PRKG1: variants seen among roughly 807,000 people sequenced by gnomAD.
PRKG1 encodes the protein protein kinase cGMP-dependent 1.
A neutral mutation model predicts 88.1 loss-of-function variants in PRKG1; 35 were observed. The ratio of observed to expected loss-of-function variants is 0.40; its 90% confidence interval spans 0.30 to 0.53. The LOEUF (loss-of-function observed/expected upper bound fraction) is 0.53, where lower values mean the gene tolerates loss of function less well. Among genes scored for constraint, PRKG1 ranks in the 20% least tolerant of loss-of-function variants. The pLI is 0.59. For synonymous variants in PRKG1, 303 were observed against 292.5 expected, an observed-to-expected ratio of 1.04 and a Z score of -0.37; for missense variants, 540 against 839.8, an observed-to-expected ratio of 0.64 and a Z score of 4.41.
intron 5 of PRKG1, among the ~76,000 whole-genome samples, chr10:52,019,948 A>G (rs566619964): frequency 3.3e-5 from 5 of 152,194 alleles, no homozygotes; most frequent in Non-Finnish European, 7.3e-5. Flanking sequence ...GTCTCTGAGG[A>G]CAAAGGCAAA....
chr10:51,501,790 C>A (rs202005640), intron 3 of PRKG1, among the ~76,000 whole-genome samples: 1 of 113,770 alleles, frequency 8.8e-6, no homozygotes, highest in Admixed American at 9.7e-5. Flanking sequence ...ACTTTAGTTT[C>A]TTTTTTTTTT....
chr10:51,151,082 T>C (rs1024810690), intron 1 of PRKG1, among the ~76,000 whole-genome samples: 1 of 151,602 alleles, frequency 6.6e-6, no homozygotes, highest in Non-Finnish European at 1.5e-5. Context: ...TTGATTAGTT[T>C]TTATTGTACA....
At chr10:51,678,923 C>A (rs765683816) in intron 3 of PRKG1, among the ~76,000 whole-genome samples, 1 of 152,164 alleles carries the variant, frequency 6.6e-6, no homozygotes, top group Non-Finnish European at 1.5e-5. Context: ...GGGACTACTG[C>A]AGTGCATTAT....
chr10:51,728,969 C>A (rs1842206371), intron 3 of PRKG1, among the ~76,000 whole-genome samples: 1 of 152,130 alleles, frequency 6.6e-6, no homozygotes, highest in Non-Finnish European at 1.5e-5. Context: ...TTATTTCTTT[C>A]TGAAACTAAG....
At chr10:51,025,655 A>G (rs1338258339) in intron 1 of PRKG1, among the ~76,000 whole-genome samples, 1 of 152,132 alleles carries the variant, frequency 6.6e-6, no homozygotes, top group Non-Finnish European at 1.5e-5. Context: ...TATTGTCAGT[A>G]GAAGAACAAG....
chr10:51,610,223 G>A (rs1838872110), intron 3 of PRKG1, among the ~76,000 whole-genome samples: 1 of 152,014 alleles, frequency 6.6e-6, no homozygotes, highest in East Asian at 1.9e-4. Flanking sequence ...TCAAAGAAGA[G>A]CTTATTCCTT....
chr10:52,067,922 A>G (rs1009376390), intron 7 of PRKG1, among the ~76,000 whole-genome samples: 2 of 145,786 alleles, frequency 1.4e-5, no homozygotes, highest in African/African-American at 4.9e-5. Flanking sequence ...TCCCTACTTG[A>G]GGCCGGGCGC....
chr10:51,363,525 T>C (rs553792810), intron 2 of PRKG1, among the ~76,000 whole-genome samples: 3 of 152,002 alleles, frequency 2.0e-5, no homozygotes, highest in Non-Finnish European at 2.9e-5. Flanking sequence ...TAAAATTAAA[T>C]AGAGGTGTCA....
At chr10:51,168,578 G>T (rs774368667) in intron 2 of PRKG1, among the ~76,000 whole-genome samples, 2 of 152,128 alleles carry the variant, frequency 1.3e-5, no homozygotes, top group Non-Finnish European at 1.5e-5. Context: ...GCATAAGGAA[G>T]TCTGGAGACT....
intron 3 of PRKG1, among the ~76,000 whole-genome samples, chr10:51,523,979 C>A (rs1564534254): frequency 6.6e-6 from 1 of 152,082 alleles, no homozygotes; most frequent in East Asian, 1.9e-4. Context: ...GGGGTGCATC[C>A]TTTATGAATG....
Position 52,054,499 on chromosome 10 carries a change from G to A in PRKG1, c.778G>A (p.Gly260Arg), listed in dbSNP as rs368465530. 1 of 1,613,248 alleles carries A rather than the reference G, an allele frequency of 6.2e-7. No individual in the cohort carries two copies. The highest frequency in any genetic ancestry group is 1.3e-5 in the African/African-American group (1 of 74,846). ...TACTTTTCAGACCCACTATGAAAAT[G>A]GAGAATATATTATCAGGCAAGGTGC... ...DVLEETHYEN[G>R]EYIIRQGARG... Residue 260 changes from glycine to arginine, a missense_variant, in exon 6 of 18, where the codon GGA becomes AGA. Gly to Arg is a moderately radical substitution (Grantham distance 125). Transcript: ENST00000373980.
At chr10:52,114,557 A>T (rs1554805854) in intron 7 of PRKG1, among the ~76,000 whole-genome samples, 1 of 149,972 alleles carries the variant, frequency 6.7e-6, no homozygotes, top group Non-Finnish European at 1.5e-5. Context: ...TAATATGCTG[A>T]ATATATATAT....
intron 9 of PRKG1, among the ~76,000 whole-genome samples, chr10:52,217,075 CTG>C (rs1206818089): frequency 1.3e-5 from 2 of 152,114 alleles, no homozygotes; most frequent in East Asian, 3.9e-4. Context: ...CTGTTCAGAG[CTG>C]TGTTTCTCAA....
At chr10:51,088,290 C>T (rs1589143456) in intron 1 of PRKG1, among the ~76,000 whole-genome samples, 1 of 151,796 alleles carries the variant, frequency 6.6e-6, no homozygotes, top group East Asian at 1.9e-4. Context: ...CCTCTTTTCC[C>T]TTAAATATTA....
intron 2 of PRKG1, among the ~76,000 whole-genome samples, chr10:51,451,326 G>A (rs576572496): frequency 6.6e-6 from 1 of 151,300 alleles, no homozygotes; most frequent in African/African-American, 2.4e-5. Context: ...TTAAACTAAC[G>A]TGATTTGTTA....
chr10:51,887,799 T>C (rs77322899), intron 4 of PRKG1, among the ~76,000 whole-genome samples: 1 of 152,222 alleles, frequency 6.6e-6, no homozygotes, highest in Non-Finnish European at 1.5e-5. Context: ...GTTTTTGTTT[T>C]GCTATTGAGT....
intron 2 of PRKG1, among the ~76,000 whole-genome samples, chr10:51,184,530 T>C (rs1837432204): frequency 6.6e-6 from 1 of 152,198 alleles, no homozygotes; most frequent in Non-Finnish European, 1.5e-5. Context: ...AAAATGAACA[T>C]GTAGGAAGTT....
chr10:51,421,684 C>T (rs1179250606), intron 2 of PRKG1, among the ~76,000 whole-genome samples: 3 of 152,218 alleles, frequency 2.0e-5, no homozygotes, highest in African/African-American at 7.2e-5. Flanking sequence ...AGCATCATGT[C>T]ATAATGTCTC....
intron 3 of PRKG1, among the ~76,000 whole-genome samples, chr10:51,541,820 C>T (rs143349659): frequency 7.7e-4 from 117 of 152,130 alleles, no homozygotes; most frequent in African/African-American, 2.6e-3. Context: ...TACCTAGGTT[C>T]ACCTCCAATT....
Sources: gnomAD v4.1 joint callset for allele counts (sites outside exome capture counted in the v4.1 genomes callset) on GRCh38, gnomAD v4.1.1 for gene constraint, MANE v1.5 for transcripts, NCBI Gene and HGNC (gene_info 2026-07-23, HGNC 2026-07-21) for gene names.